MAP2K1: variants seen among roughly 807,000 people sequenced by gnomAD.
The protein encoded by MAP2K1 is dual specificity mitogen-activated protein kinase kinase 1.
A neutral mutation model predicts 46.3 loss-of-function variants in MAP2K1; 16 were observed. The observed-to-expected ratio is 0.35, with a 90% CI of 0.23 to 0.52. The LOEUF is 0.52. MAP2K1 is among the 20% of genes least tolerant of loss of function. The pLI is 0.94. For missense variants in MAP2K1, 263 were observed against 497.1 expected (o/e 0.53, Z 4.48); for synonymous variants, 183 against 185.6 (o/e 0.99, Z 0.11).
chr15:66,480,561 C>T (rs1892889675), intron 5 of MAP2K1, among the ~76,000 whole-genome samples: 1 of 151,904 alleles, frequency 6.6e-6, no homozygotes, highest in Non-Finnish European at 1.5e-5. Flanking sequence ...TGTAGTGAGA[C>T]TCTGTGTCTA....
chr15:66,400,441 A>C (rs78150698), intron 1 of MAP2K1, among the ~76,000 whole-genome samples: 1 of 152,182 alleles, frequency 6.6e-6, no homozygotes, highest in Non-Finnish European at 1.5e-5. Flanking sequence ...TTTCTGACAC[A>C]TTGAGAAAGC....
At chr15:66,424,580 T>C (rs1595855104) in intron 1 of MAP2K1, among the ~76,000 whole-genome samples, 1 of 152,150 alleles carries the variant, frequency 6.6e-6, no homozygotes, top group East Asian at 1.9e-4. Flanking sequence ...ATCTTGCACT[T>C]AGCGGGGAGC....
chr15:66,453,917 G>C (rs1892099149), intron 5 of MAP2K1, among the ~76,000 whole-genome samples: 1 of 152,142 alleles, frequency 6.6e-6, no homozygotes, highest in Non-Finnish European at 1.5e-5. Context: ...TCCTGCCTCA[G>C]CCTCCTGAAG....
chr15:66,469,453 A>G (rs1892554406), intron 5 of MAP2K1, among the ~76,000 whole-genome samples: 1 of 145,462 alleles, frequency 6.9e-6, no homozygotes, highest in African/African-American at 2.6e-5. Context: ...TTTCTCCCCC[A>G]AAGGGAGTCT....
At chr15:66,454,749 G>T (rs891848550) in intron 5 of MAP2K1, among the ~76,000 whole-genome samples, 1 of 152,120 alleles carries the variant, frequency 6.6e-6, no homozygotes, top group African/African-American at 2.4e-5. Context: ...TCGGCGTGGT[G>T]CCGTGCGCCT....
At chr15:66,462,939 T>C (rs900512930) in intron 5 of MAP2K1, among the ~76,000 whole-genome samples, 2 of 152,220 alleles carry the variant, frequency 1.3e-5, no homozygotes, top group African/African-American at 4.8e-5. Flanking sequence ...CTAGGCGGCC[T>C]TCCTGCTTAT....
chr15:66,484,433 C>G (rs1364936475), intron 6 of MAP2K1, among the ~76,000 whole-genome samples: 1 of 152,174 alleles, frequency 6.6e-6, no homozygotes, highest in Non-Finnish European at 1.5e-5. Context: ...CAGGTGTGAG[C>G]CACTGCGTCC....
chr15:66,478,392 ATGTGTGTG>A (rs71142304), intron 5 of MAP2K1, among the ~76,000 whole-genome samples: 3 of 127,176 alleles, frequency 2.4e-5, no homozygotes, highest in Admixed American at 2.3e-4. Flanking sequence ...ATACACAGAT[ATGTGTGTG>A]TATATATATA....
At chr15:66,424,037 G>A (rs1455218293) in intron 1 of MAP2K1, among the ~76,000 whole-genome samples, 1 of 150,262 alleles carries the variant, frequency 6.7e-6, no homozygotes, top group Non-Finnish European at 1.5e-5. Flanking sequence ...ATGGATGTGA[G>A]CCACCGCACC....
chr15:66,472,303 C>CA (rs60289963), intron 5 of MAP2K1, among the ~76,000 whole-genome samples: 35,027 of 136,536 alleles, frequency 0.26, 5,191 homozygotes, highest in African/African-American at 0.43. Flanking sequence ...GACTTCGTCT[C>CA]AAAAAAAAAA....
chr15:66,463,115 T>C lies in MAP2K1; in HGVS notation c.568+18408T>C, dbSNP rs148156004. ...TCTCTGAGTAATCCACCAACACTTA[T>C]ATAGTGTACATTGTGGGTGGGGCTC... is the stretch of plus-strand genomic sequence containing the variant. On this transcript the variant is annotated intron_variant, in intron 5 of 10. Transcript: ENST00000307102. Among the ~76,000 whole-genome samples, 167 of 152,242 alleles carry C rather than the reference T, an allele frequency of 1.1e-3. 1 individual carries two copies. In the East Asian group the frequency reaches 0.029, roughly 26 times the overall value.
At chr15:66,444,757 A>G (rs1891818137) in intron 5 of MAP2K1, 50 bp downstream of exon 5, 1 of 1,425,922 alleles carries the variant, frequency 7.0e-7, no homozygotes, top group East Asian at 2.3e-5. Flanking sequence ...GATATAATCC[A>G]AAGGCTGTTG....
intron 1 of MAP2K1, among the ~76,000 whole-genome samples, chr15:66,411,187 T>C (rs1595845639): frequency 6.6e-6 from 1 of 151,900 alleles, no homozygotes; most frequent in African/African-American, 2.4e-5. Flanking sequence ...CCTGCCTGGA[T>C]TGTTGTAGGT....
chr15:66,394,288 A>G (rs1416459200), intron 1 of MAP2K1, among the ~76,000 whole-genome samples: 2 of 152,118 alleles, frequency 1.3e-5, no homozygotes, highest in African/African-American at 4.8e-5. Flanking sequence ...AGACTTACTT[A>G]TTGCATTCAG....
chr15:66,440,854 A>AC (rs879723396), intron 3 of MAP2K1, among the ~76,000 whole-genome samples: 15 of 152,208 alleles, frequency 9.9e-5, no homozygotes, highest in Non-Finnish European at 1.8e-4. Context: ...GGGAATCCTG[A>AC]CTGGTGTATG....
In MAP2K1 at chr15:66,441,189, C is replaced by T. The variant is rs369547155; in HGVS notation, c.439-2091C>T. On this transcript the variant is annotated intron_variant, in intron 3 of 10. Coordinates refer to ENST00000307102, the MANE Select transcript of MAP2K1 (RefSeq NM_002755.4). Reference sequence around the variant, plus strand: ...CTACGTGGCCCAGGCTGGTCTTGAACTCCTGGCCTCAAGCAATCCTCCTGC... The same window carrying T: ...CTACGTGGCCCAGGCTGGTCTTGAATTCCTGGCCTCAAGCAATCCTCCTGC... Among the ~76,000 whole-genome samples the T allele has an allele frequency of 5.7e-4, 87 of 152,220 alleles. 2 individuals are homozygous for T. The South Asian group carries it at 0.017, about 31-fold the overall frequency.
chr15:66,444,525 CTG>C (rs1891810978), intron 4 of MAP2K1, 129 bp from the exon 5 acceptor site: 2 of 722,492 alleles, frequency 2.8e-6, no homozygotes, highest in Non-Finnish European at 5.1e-6. Flanking sequence ...AAGAGTGAAA[CTG>C]CGTCTCAAAG....
intron 5 of MAP2K1, among the ~76,000 whole-genome samples, chr15:66,449,372 A>G (rs1452062366): frequency 1.3e-5 from 2 of 152,240 alleles, no homozygotes; most frequent in Admixed American, 6.5e-5. Flanking sequence ...AAGAGTACAT[A>G]CTGTGAGAGC....
intron 5 of MAP2K1, among the ~76,000 whole-genome samples, chr15:66,452,823 A>G (rs143425935): frequency 5.3e-5 from 8 of 152,358 alleles, no homozygotes; most frequent in East Asian, 1.9e-4. Context: ...ACTAAAAACC[A>G]GCGATTAAAA....
Sources: allele counts gnomAD v4.1 joint callset (sites outside exome capture counted in the v4.1 genomes callset), GRCh38; gene constraint gnomAD v4.1.1; transcripts MANE v1.5; gene names NCBI Gene and HGNC (gene_info 2026-07-23, HGNC 2026-07-21).